Variants in CYLC1 observed in about 807,000 individuals in gnomAD.
CYLC1 encodes the protein cylicin 1.
A neutral mutation model predicts 31.6 loss-of-function variants in CYLC1; 2 were observed. The ratio of observed to expected loss-of-function variants is 0.06; its 90% CI spans 0.03 to 0.20. The LOEUF (loss-of-function observed/expected upper bound fraction) is 0.20, where lower values mean the gene tolerates loss of function less well. CYLC1 is among the 10% of genes least tolerant of loss of function. The pLI, the probability that CYLC1 is intolerant of heterozygous loss-of-function variation, is 1.00. For synonymous variants in CYLC1, 185 were observed against 153.0 expected (o/e 1.21, Z -1.54); for missense variants, 595 against 424.1 (o/e 1.40, Z -3.54).
In CYLC1 at chrX:83,874,173, G is replaced by A. The variant is rs1183246260; in HGVS notation, c.1465G>A (p.Asp489Asn). The A allele has an allele frequency of 4.2e-6, 5 of 1,204,588 alleles. No homozygotes were observed. The highest frequency in any genetic ancestry group is 5.6e-6 in the Non-Finnish European group (5 of 892,031). Residue 489 changes from aspartate (D) to asparagine (N), a missense_variant, in exon 4 of 5, where the codon GAT becomes AAT. Coordinates refer to ENST00000329312, the MANE Select transcript of CYLC1 (RefSeq NM_021118.3). ...KNAESTEMES[D>N]LELKKDKKHS... ...TGCAGAATCTACTGAAATGGAATCT[G>A]ATTTGGAGTTAAAGAAGGACAAGAA...
At chrX:83,862,529 C>T (rs367564346) in intron 1 of CYLC1, among the ~76,000 whole-genome samples, 1 of 110,698 alleles carries the variant, frequency 9.0e-6, no homozygotes, top group East Asian at 2.9e-4. Flanking sequence ...GGCGACAGAG[C>T]GAGACTCCGT....
Position 83,862,498 on chromosome X carries a change from G to C in CYLC1, c.17+1299G>C, listed in dbSNP as rs2031528039. ...GCGGAGCTTGCAGTGAGCAGAGATC[G>C]CGCCACTGCACTCCCGCCTGGGCGA... On this transcript the variant is annotated intron_variant, in intron 1 of 4. Coordinates refer to ENST00000329312, the MANE Select transcript of CYLC1 (RefSeq NM_021118.3). Among the ~76,000 whole-genome samples, 3 of 111,036 alleles carry C rather than the reference G, an allele frequency of 2.7e-5. No homozygotes were observed. The Admixed American group carries it at 2.8e-4, about 11-fold the overall frequency.
chrX:83,884,164 T>C (rs1449759641), intron 4 of CYLC1, among the ~76,000 whole-genome samples: 1 of 111,779 alleles, frequency 8.9e-6, no homozygotes. Context: ...ATAAGCATGA[T>C]GACAGGCTAA....
At chrX:83,861,395 C>G (rs1290825913) in intron 1 of CYLC1, among the ~76,000 whole-genome samples, 196 bp downstream of exon 1, 1 of 111,238 alleles carries the variant, frequency 9.0e-6, no homozygotes, top group Non-Finnish European at 1.9e-5. Context: ...TTCACTAGTG[C>G]AGTCTTGTTT....
intron 4 of CYLC1, among the ~76,000 whole-genome samples, chrX:83,884,435 A>G (rs2147788284): frequency 9.0e-6 from 1 of 110,974 alleles, no homozygotes; most frequent in East Asian, 2.8e-4. Context: ...TAGTTTAATT[A>G]AGTCCCAGCT....
chrX:83,877,066 A>G (rs2031772760), intron 4 of CYLC1, among the ~76,000 whole-genome samples: 2 of 110,671 alleles, frequency 1.8e-5, no homozygotes, highest in Non-Finnish European at 3.8e-5. Flanking sequence ...ACTAAATTCT[A>G]TTCCTCCCTT....
intron 2 of CYLC1, among the ~76,000 whole-genome samples, chrX:83,871,112 G>A (rs988657760): frequency 1.5e-4 from 17 of 110,055 alleles, no homozygotes; most frequent in Non-Finnish European, 3.1e-4. Flanking sequence ...TAGACGAGAT[G>A]ATGTAGATAT....
chrX:83,867,513 T>A (rs1347131569), intron 1 of CYLC1, among the ~76,000 whole-genome samples: 1 of 111,577 alleles, frequency 9.0e-6, no homozygotes, highest in Non-Finnish European at 1.9e-5. Context: ...ACCTAAAATC[T>A]ATTTCACTGG....
chrX:83,875,066 C>T (rs1361999680), intron 4 of CYLC1, among the ~76,000 whole-genome samples: 1 of 111,314 alleles, frequency 9.0e-6, no homozygotes, highest in Non-Finnish European at 1.9e-5. Context: ...TCATACATAG[C>T]AGGTGGAATA....
At chrX:83,884,694 T>C (rs1045440717) in intron 4 of CYLC1, among the ~76,000 whole-genome samples, 2 of 111,811 alleles carry the variant, frequency 1.8e-5, no homozygotes, top group Admixed American at 1.9e-4. Context: ...GTTTGTTCTA[T>C]GATATGATAA....
At chrX:83,884,965 C>T (rs1193716096) in intron 4 of CYLC1, among the ~76,000 whole-genome samples, 1 of 111,355 alleles carries the variant, frequency 9.0e-6, no homozygotes, top group East Asian at 2.8e-4. Context: ...CTACCAGCTA[C>T]TACCATTCTC....
At chrX:83,872,798 G>T in intron 3 of CYLC1, 88 bp from the exon 4 acceptor site, 1 of 722,834 alleles carries the variant, frequency 1.4e-6, no homozygotes, top group East Asian at 3.9e-5. Flanking sequence ...TAAATAGATG[G>T]TTAATAAAAA....
At position 83,874,182 on chromosome X, in the gene CYLC1, T is replaced by C. The variant is rs1426699774; in HGVS notation, c.1474T>C (p.Leu492=). 5 of 1,200,835 alleles carry C rather than the reference T, an allele frequency of 4.2e-6. No homozygotes were observed. In the Admixed American group the frequency reaches 1.1e-4, roughly 27 times the overall value. Residue 492 remains leucine (L), a synonymous_variant, in exon 4 of 5, where the codon TTA becomes CTA. Coordinates refer to ENST00000329312, the MANE Select transcript of CYLC1 (RefSeq NM_021118.3). ...ESTEMESDLE[L]KKDKKHSKEK... ...TACTGAAATGGAATCTGATTTGGAG[T>C]TAAAGAAGGACAAGAAACACTCAAA...
chrX:83,870,914 C>T (rs923654969), intron 2 of CYLC1, among the ~76,000 whole-genome samples: 3 of 110,456 alleles, frequency 2.7e-5, no homozygotes, highest in Non-Finnish European at 5.7e-5. Flanking sequence ...GTATTTCCAC[C>T]TAGGGCCCTA....
At chrX:83,886,312 A>G (rs2031982294) in intron 4 of CYLC1, among the ~76,000 whole-genome samples, 1 of 111,279 alleles carries the variant, frequency 9.0e-6, no homozygotes, top group Admixed American at 9.6e-5. Flanking sequence ...AAGATTATTC[A>G]GGGAGCTTGT....
intron 4 of CYLC1, among the ~76,000 whole-genome samples, chrX:83,880,193 T>C (rs1266303881): frequency 2.7e-5 from 3 of 112,056 alleles, no homozygotes; most frequent in Non-Finnish European, 1.9e-5. Context: ...CAGTGTATTT[T>C]GCTGTGCACA....
At chrX:83,877,937 T>TAA (rs2031803595) in intron 4 of CYLC1, among the ~76,000 whole-genome samples, 1 of 78,625 alleles carries the variant, frequency 1.3e-5, no homozygotes, top group Admixed American at 2.1e-4. Context: ...AATATAAATA[T>TAA]ATATATTTGT....
At chrX:83,877,296 G>C (rs950979659) in intron 4 of CYLC1, among the ~76,000 whole-genome samples, 8 of 110,859 alleles carry the variant, frequency 7.2e-5, no homozygotes, top group African/African-American at 2.6e-4. Context: ...TTAGCATCTA[G>C]CTATCCATTA....
intron 3 of CYLC1, among the ~76,000 whole-genome samples, chrX:83,871,970 C>T (rs768339950): frequency 9.0e-6 from 1 of 111,019 alleles, no homozygotes; most frequent in South Asian, 3.7e-4. Flanking sequence ...TCTCTAAAGT[C>T]GAGTTATCCT....
Sources: gnomAD v4.1 joint callset for allele counts (sites outside exome capture counted in the v4.1 genomes callset) on GRCh38, gnomAD v4.1.1 for gene constraint, MANE v1.5 for transcripts, NCBI Gene and HGNC (gene_info 2026-07-23, HGNC 2026-07-21) for gene names.